HDAC9: variants seen among roughly 807,000 people sequenced by gnomAD.
HDAC9 encodes histone deacetylase 9, also known as MEF-2 interacting transcription repressor (MITR) protein.
Under a neutral mutation model 139.4 loss-of-function variants are expected in HDAC9, and 41 were observed. The ratio of observed to expected loss-of-function variants is 0.29; its 90% confidence interval spans 0.23 to 0.38. The LOEUF (loss-of-function observed/expected upper bound fraction) is 0.38. Ranked by LOEUF, HDAC9 falls within the 10% of genes least tolerant of loss-of-function variation. The pLI is 1.00. For missense variants in HDAC9, 1,147 were observed against 1,297.0 expected (o/e 0.88, Z 1.78); for synonymous variants, 517 against 476.2 (o/e 1.09, Z -1.12).
chr7:18,270,070 C>T (rs1190921114), intron 2 of HDAC9, among the ~76,000 whole-genome samples: 1 of 152,042 alleles, frequency 6.6e-6, no homozygotes, highest in Admixed American at 6.6e-5. Context: ...TCTACTGGCA[C>T]ACTCAGCCCA....
At chr7:18,973,883 A>G (rs894507320) in intron 24 of HDAC9, among the ~76,000 whole-genome samples, 1 of 152,146 alleles carries the variant, frequency 6.6e-6, no homozygotes, top group Non-Finnish European at 1.5e-5. Flanking sequence ...CTTCCAATCC[A>G]TCACCCATAA....
At chr7:18,352,291 A>G (rs1410957074) in intron 1 of HDAC9, among the ~76,000 whole-genome samples, 1 of 152,220 alleles carries the variant, frequency 6.6e-6, no homozygotes, top group Non-Finnish European at 1.5e-5. Flanking sequence ...GGTAGCAAAT[A>G]TTATTTTCAA....
chr7:18,251,712 C>G (rs577316033), intron 2 of HDAC9, among the ~76,000 whole-genome samples: 87 of 152,268 alleles, frequency 5.7e-4, no homozygotes, highest in African/African-American at 2.0e-3. Context: ...AACCTTTAAT[C>G]TTGTATCACA....
intron 2 of HDAC9, among the ~76,000 whole-genome samples, chr7:18,500,526 A>G (rs1798088391): frequency 6.6e-6 from 1 of 152,206 alleles, no homozygotes; most frequent in African/African-American, 2.4e-5. Flanking sequence ...TTAGAATTTT[A>G]CTGGCAAGTT....
chr7:18,516,006 C>T (rs1803066569), intron 2 of HDAC9, among the ~76,000 whole-genome samples: 1 of 152,168 alleles, frequency 6.6e-6, no homozygotes, highest in Non-Finnish European at 1.5e-5. Flanking sequence ...GATGCTTTTA[C>T]TAAGGACACA....
intron 2 of HDAC9, among the ~76,000 whole-genome samples, chr7:18,268,176 T>C (rs1796116564): frequency 6.6e-6 from 1 of 152,152 alleles, no homozygotes; most frequent in African/African-American, 2.4e-5. Flanking sequence ...AAGAGAAATG[T>C]AGAAAATATT....
intron 1 of HDAC9, among the ~76,000 whole-genome samples, chr7:18,354,945 A>C (rs914436856): frequency 6.6e-6 from 1 of 152,142 alleles, no homozygotes; most frequent in East Asian, 1.9e-4. Context: ...CACTGAAACC[A>C]CAGCTGGTCT....
chr7:18,551,482 C>T (rs1817112850), intron 2 of HDAC9, among the ~76,000 whole-genome samples: 1 of 152,080 alleles, frequency 6.6e-6, no homozygotes, highest in Non-Finnish European at 1.5e-5. Flanking sequence ...AGGGAATAGA[C>T]AAGGAACCAG....
intron 1 of HDAC9, among the ~76,000 whole-genome samples, chr7:18,300,743 C>G (rs1046689190): frequency 6.6e-6 from 1 of 152,028 alleles, no homozygotes; most frequent in Non-Finnish European, 1.5e-5. Flanking sequence ...TTAAAACTAG[C>G]AAAGCCGTAT....
chr7:18,209,123 A>G (rs927867947), intron 2 of HDAC9, among the ~76,000 whole-genome samples: 1 of 152,182 alleles, frequency 6.6e-6, no homozygotes, highest in Non-Finnish European at 1.5e-5. Context: ...CACTGTAGGC[A>G]TAGACATTTT....
At chr7:18,165,307 A>C in intron 2 of HDAC9, among the ~76,000 whole-genome samples, 1 of 152,154 alleles carries the variant, frequency 6.6e-6, no homozygotes, top group Non-Finnish European at 1.5e-5. Context: ...TAGAATGTAT[A>C]TTGCTCTTTG....
chr7:18,254,397 A>T lies in HDAC9; in HGVS notation c.25+92048A>T, dbSNP rs534470010. 1.2e-4 allele frequency among the ~76,000 whole-genome samples: 18 copies of T among 152,334 alleles called. 1 individual carries two copies. Among genetic ancestry groups the T allele is most frequent in the African/African-American group, 4.3e-4 (18 of 41,578 alleles). On this transcript the variant is annotated intron_variant, in intron 2 of 12. Coordinates refer to the HDAC9 transcript ENST00000417496. ...GGACATAATGCTAATATATGTTTTC[A>T]TGCTTGCTTTGAAGCAAACAATTAT...
At chr7:18,978,556 C>T (rs1242241722) in intron 25 of HDAC9, among the ~76,000 whole-genome samples, 1 of 151,838 alleles carries the variant, frequency 6.6e-6, no homozygotes, top group Non-Finnish European at 1.5e-5. Context: ...GGGCAAAAGA[C>T]TTGATCAAAA....
At chr7:18,799,094 C>T (rs1311531652) in intron 17 of HDAC9, among the ~76,000 whole-genome samples, 1 of 148,144 alleles carries the variant, frequency 6.8e-6, no homozygotes, top group Non-Finnish European at 1.5e-5. Flanking sequence ...CACACACACA[C>T]AGAGCCCCTC....
intron 2 of HDAC9, among the ~76,000 whole-genome samples, chr7:18,181,818 G>A (rs1435690858): frequency 6.6e-6 from 1 of 151,656 alleles, no homozygotes; most frequent in African/African-American, 2.4e-5. Flanking sequence ...GAGAACCTGT[G>A]GTCTGAAGAA....
At chr7:18,130,383 A>G (rs1045204385) in intron 1 of HDAC9, among the ~76,000 whole-genome samples, 1 of 152,108 alleles carries the variant, frequency 6.6e-6, no homozygotes, top group African/African-American at 2.4e-5. Context: ...AGGGACGGTG[A>G]TGCTGTTCAT....
intron 1 of HDAC9, among the ~76,000 whole-genome samples, chr7:18,433,958 C>T (rs964044833): frequency 1.3e-5 from 2 of 152,066 alleles, no homozygotes; most frequent in Non-Finnish European, 2.9e-5. Context: ...CCTGAGTAGC[C>T]AAGGCAATCC....
At chr7:18,711,483 A>G (rs1784339878) in intron 12 of HDAC9, among the ~76,000 whole-genome samples, 1 of 152,186 alleles carries the variant, frequency 6.6e-6, no homozygotes, top group African/African-American at 2.4e-5. Context: ...TCCTAACACC[A>G]TAATCAGTGT....
intron 1 of HDAC9, among the ~76,000 whole-genome samples, chr7:18,090,258 CTG>C (rs777207649): frequency 9.2e-5 from 14 of 152,262 alleles, no homozygotes; most frequent in Non-Finnish European, 2.1e-4. Flanking sequence ...CAAGCTGCTC[CTG>C]TGTCTTATGA....
Sources: allele counts gnomAD v4.1 joint callset (sites outside exome capture counted in the v4.1 genomes callset), GRCh38; gene constraint gnomAD v4.1.1; transcripts MANE v1.5; gene names NCBI Gene and HGNC (gene_info 2026-07-23, HGNC 2026-07-21).